ZNF721: variants seen among roughly 807,000 people sequenced by gnomAD.
ZNF721 encodes the protein zinc finger protein 721.
In ZNF721, 2 loss-of-function variants were observed where a neutral mutation model predicts 2.4. The ratio of observed to expected loss-of-function variants is 0.82; its 90% confidence interval spans 0.34 to 2.58. ZNF721 has a LOEUF of 2.58. Ranked by LOEUF, ZNF721 falls within the 30% of genes most tolerant of loss-of-function variation. ZNF721 has a pLI of 0.11. For synonymous variants in ZNF721, 398 were observed against 381.8 expected, an observed-to-expected ratio of 1.04 and a Z score of -0.50; for missense variants, 1,187 against 1,085.5, an observed-to-expected ratio of 1.09 and a Z score of -1.31.
intron 2 of ZNF721, among the ~76,000 whole-genome samples, chr4:463,021 A>C (rs1715117549): frequency 6.6e-6 from 1 of 152,244 alleles, no homozygotes; most frequent in African/African-American, 2.4e-5. Flanking sequence ...CAAAGGAATA[A>C]TATCCAGAAA....
chr4:458,806 A>G (rs1714922893), intron 2 of ZNF721, among the ~76,000 whole-genome samples: 1 of 152,118 alleles, frequency 6.6e-6, no homozygotes, highest in African/African-American at 2.4e-5. Context: ...AGATTGCGCC[A>G]CTGCACTCCA....
Position 487,027 on chromosome 4 carries a change from G to GTTGA in ZNF721, c.-94+12025_-94+12028dup, listed in dbSNP as rs529781405. Among the ~76,000 whole-genome samples the GTTGA allele has an allele frequency of 9.8e-5, 15 of 152,326 alleles. 1 individual carries two copies. The South Asian group carries it at 2.9e-3, about 29-fold the overall frequency. ...GCATGGGCTTCAGAGTCAGGCCAAC[G>GTTGA]TTGATCCTGAGTCCCAGCCAGCTGC... On this transcript the variant is annotated intron_variant, in intron 1 of 2. Transcript: ENST00000511833.
chr4:463,988 G>T (rs782192893), intron 2 of ZNF721, among the ~76,000 whole-genome samples: 7 of 152,000 alleles, frequency 4.6e-5, no homozygotes, highest in Non-Finnish European at 1.0e-4. Context: ...ATCTCGATAA[G>T]ATGCAAAAGT....
chr4:447,732 C>G (rs1011293275), intron 2 of ZNF721, among the ~76,000 whole-genome samples: 4 of 152,106 alleles, frequency 2.6e-5, no homozygotes, highest in Non-Finnish European at 5.9e-5. Flanking sequence ...TTATATAACA[C>G]AAAGTACATC....
chr4:460,691 T>C (rs1476079668), intron 2 of ZNF721, among the ~76,000 whole-genome samples: 7 of 146,510 alleles, frequency 4.8e-5, no homozygotes, highest in African/African-American at 1.2e-4. Flanking sequence ...ACAAAATAGA[T>C]AGACCACTAG....
chr4:495,734 C>G (rs1553872134), intron 1 of ZNF721, among the ~76,000 whole-genome samples: 1 of 151,972 alleles, frequency 6.6e-6, no homozygotes, highest in Non-Finnish European at 1.5e-5. Context: ...CCCCAAGTAA[C>G]TGGGATTACA....
chr4:442,184 C>T lies in ZNF721; in HGVS notation c.2283G>A (p.Val761=), dbSNP rs1714267333. Residue 761 remains valine, a synonymous_variant, in exon 3 of 3, where the codon GTG becomes GTA. Transcript: ENST00000511833. ...KLYKCKECGK[V]FKQSSHLNRH... ...TATTCAGGTGTGAGGACTGTTTAAA[C>T]ACTTTCCCACATTCTTTACATTTGT... 6.2e-7 allele frequency: 1 copy of T among 1,611,950 alleles called. No individual in the cohort carries two copies. The highest frequency in any genetic ancestry group is 1.1e-5 in the South Asian group (1 of 90,990).
chr4:458,876 T>C (rs1714925855), intron 2 of ZNF721, among the ~76,000 whole-genome samples: 1 of 151,624 alleles, frequency 6.6e-6, no homozygotes, highest in Non-Finnish European at 1.5e-5. Flanking sequence ...AAAAAATGCC[T>C]AACAGAAAAT....
In ZNF721 at chr4:441,532, A is replaced by T. The variant is rs1438996650; in HGVS notation, c.*163T>A. Reference sequence around the variant, plus strand: ...GATTAAAAGCCTTCTCACATTTTTCACATTTTAGAGTTTCTCTTCATTATG... The same window carrying T: ...GATTAAAAGCCTTCTCACATTTTTCTCATTTTAGAGTTTCTCTTCATTATG... On this transcript the variant is annotated 3_prime_UTR_variant, in exon 3 of 3. Transcript: ENST00000511833. The T allele has an allele frequency of 4.7e-6, 3 of 632,880 alleles. No homozygotes were observed. Among genetic ancestry groups the T allele is most frequent in the Non-Finnish European group, 5.2e-6 (2 of 381,156 alleles). 39.2% of individuals were successfully genotyped at this position (632,880 alleles called of 1,614,324 possible). A position where few individuals can be genotyped will look rare whatever the true frequency, so the allele number is the denominator to read the frequency against.
At chr4:461,428 C>A (rs1715066482) in intron 2 of ZNF721, among the ~76,000 whole-genome samples, 2 of 152,040 alleles carry the variant, frequency 1.3e-5, no homozygotes, top group African/African-American at 4.8e-5. Flanking sequence ...AACTCTCAAT[C>A]AACTAGGTAC....
chr4:483,804 T>C (rs1231276921), intron 1 of ZNF721, among the ~76,000 whole-genome samples: 1 of 152,180 alleles, frequency 6.6e-6, no homozygotes, highest in Non-Finnish European at 1.5e-5. Context: ...TTCAGAATAA[T>C]AGCAATGTTC....
At chr4:458,376 A>G (rs1427919244) in intron 2 of ZNF721, among the ~76,000 whole-genome samples, 2 of 152,210 alleles carry the variant, frequency 1.3e-5, no homozygotes, top group Admixed American at 1.3e-4. Context: ...AAATCTCATC[A>G]GCCCAGAATC....
At chr4:452,967 A>G (rs797041211) in intron 2 of ZNF721, among the ~76,000 whole-genome samples, 1 of 152,218 alleles carries the variant, frequency 6.6e-6, no homozygotes, top group African/African-American at 2.4e-5. Flanking sequence ...ATAAGGATGT[A>G]CAAAACTTGC....
rs553724946 is a variant in ZNF721, at chr4:440,400, T to C, written c.*1295A>G. 6.6e-6 allele frequency: 1 copy of C among 152,364 alleles called. No homozygotes were observed. Among genetic ancestry groups the C allele is most frequent in the East Asian group, 1.9e-4 (1 of 5,194 alleles). The allele number at this position is 152,364 out of a possible 1,614,324, so 9.4% of individuals were successfully genotyped here. A position where few individuals can be genotyped will look rare whatever the true frequency, so the allele number is the denominator to read the frequency against. On this transcript the variant is annotated 3_prime_UTR_variant, in exon 3 of 3. Transcript: ENST00000511833. Reference sequence around the variant, plus strand: ...ATTATTTGCTTTTGAAAAAAATTTTTACTTTTTTCAAGTGAAAAAATATAT... The same window carrying C: ...ATTATTTGCTTTTGAAAAAAATTTTCACTTTTTTCAAGTGAAAAAATATAT...
chr4:465,663 A>G (rs1326429562), intron 2 of ZNF721, among the ~76,000 whole-genome samples: 1 of 151,908 alleles, frequency 6.6e-6, no homozygotes, highest in Non-Finnish European at 1.5e-5. Context: ...CGATCTCCTG[A>G]CCTCATGATC....
chr4:491,990 TAA>T (rs781964022), intron 1 of ZNF721, among the ~76,000 whole-genome samples: 2 of 142,944 alleles, frequency 1.4e-5, no homozygotes, highest in African/African-American at 2.6e-5. Flanking sequence ...CCATCTCTAC[TAA>T]AAAAAAAAAA....
intron 2 of ZNF721, among the ~76,000 whole-genome samples, chr4:470,390 A>G (rs1192188143): frequency 6.6e-6 from 1 of 152,250 alleles, no homozygotes; most frequent in Non-Finnish European, 1.5e-5. Flanking sequence ...CTGCTTCTTC[A>G]CAGCAAAGAG....
intron 1 of ZNF721, among the ~76,000 whole-genome samples, chr4:480,184 C>T (rs1715737433): frequency 6.6e-6 from 1 of 151,752 alleles, no homozygotes; most frequent in Non-Finnish European, 1.5e-5. Context: ...AAAACATAAC[C>T]CCAACTTTCT....
At chr4:470,152 G>C (rs1715388143) in intron 2 of ZNF721, among the ~76,000 whole-genome samples, 1 of 152,116 alleles carries the variant, frequency 6.6e-6, no homozygotes, top group South Asian at 2.1e-4. Flanking sequence ...AAAGTGCTGG[G>C]ATTACAGGCG....
Sources: gnomAD v4.1 joint callset for allele counts (sites outside exome capture counted in the v4.1 genomes callset) on GRCh38, gnomAD v4.1.1 for gene constraint, MANE v1.5 for transcripts, NCBI Gene and HGNC (gene_info 2026-07-23, HGNC 2026-07-21) for gene names.